Variants in AGBL1 observed in about 807,000 individuals in gnomAD.
AGBL1 encodes cytosolic carboxypeptidase 4.
A neutral mutation model predicts 118.9 loss-of-function variants in AGBL1; 130 were observed. That is an observed-to-expected ratio of 1.09 (90% CI 0.95 to 1.26). The LOEUF is 1.26. AGBL1 is among the 50% of genes most tolerant of loss of function. The pLI, the probability that AGBL1 is intolerant of heterozygous loss-of-function variation, is 0.00. For missense variants in AGBL1, 1,584 were observed against 1,298.1 expected, an observed-to-expected ratio of 1.22 and a Z score of -3.38; for synonymous variants, 555 against 478.9, an observed-to-expected ratio of 1.16 and a Z score of -2.08.
intron 16 of AGBL1, among the ~76,000 whole-genome samples, chr15:86,289,890 T>C (rs1363904103): frequency 6.6e-6 from 1 of 152,212 alleles, no homozygotes; most frequent in Non-Finnish European, 1.5e-5. Flanking sequence ...GATTAGAATA[T>C]GGGCATCTTT....
rs182522302 is a variant in AGBL1 at position 86,851,855 on chromosome 15, A to G, written c.3159-55232A>G. Among the ~76,000 whole-genome samples, 5 of 152,308 alleles carry G rather than the reference A, an allele frequency of 3.3e-5. No homozygotes were observed. In the East Asian group the frequency reaches 9.6e-4, roughly 29 times the overall value. ...TGGCCAACAGAGATTTGAATTTCAT[A>G]TGGAAAGAGGGAGGTAGTGGGAAGT... On this transcript the variant is annotated intron_variant, in intron 22 of 22. Coordinates refer to ENST00000614907, the MANE Select transcript of AGBL1 (RefSeq NM_001386094.1).
At chr15:86,365,757 ATTTTTTAAAATG>A (rs2080877476) in intron 17 of AGBL1, among the ~76,000 whole-genome samples, 1 of 152,006 alleles carries the variant, frequency 6.6e-6, no homozygotes, top group Non-Finnish European at 1.5e-5. Context: ...TGATGAATAC[ATTTTTTAAAATG>A]TTTTGTGACA....
At chr15:86,939,677 G>T (rs2080722693) in intron 23 of AGBL1, 1 of 152,242 alleles carries the variant, frequency 6.6e-6, no homozygotes, top group East Asian at 1.9e-4. Context: ...CTAACGTGAT[G>T]TTTCCCTGCA....
intron 18 of AGBL1, among the ~76,000 whole-genome samples, chr15:86,464,438 T>C (rs1192498888): frequency 6.6e-6 from 1 of 152,204 alleles, no homozygotes; most frequent in Non-Finnish European, 1.5e-5. Context: ...TATTTCTTTC[T>C]CTTGCCTGAT....
chr15:86,870,348 T>A lies in AGBL1; in HGVS notation c.3159-36739T>A, dbSNP rs182985600. Among the ~76,000 whole-genome samples the A allele has an allele frequency of 1.4e-3, 208 of 151,046 alleles. 1 individual carries two copies. The highest frequency in any genetic ancestry group is 4.8e-3 in the African/African-American group (197 of 41,170). ...GTCAAATAATGAGTAAGTGGCAAAGTCAGGATTTAAGCTTTTCCATTTCCT... is the reference window on the plus strand; with the variant it reads ...GTCAAATAATGAGTAAGTGGCAAAGACAGGATTTAAGCTTTTCCATTTCCT... On this transcript the variant is annotated intron_variant, in intron 22 of 22. Transcript: ENST00000614907.
At chr15:86,437,663 C>T (rs2082014974) in intron 18 of AGBL1, among the ~76,000 whole-genome samples, 1 of 152,210 alleles carries the variant, frequency 6.6e-6, no homozygotes, top group South Asian at 2.1e-4. Context: ...ACAGTTTCAT[C>T]TAACACGGAG....
intron 21 of AGBL1, among the ~76,000 whole-genome samples, chr15:86,593,748 T>C (rs965602941): frequency 3.3e-5 from 5 of 152,208 alleles, no homozygotes; most frequent in Non-Finnish European, 7.3e-5. Context: ...TCCCTCCTAC[T>C]ACTTTGTAGT....
intron 22 of AGBL1, among the ~76,000 whole-genome samples, chr15:86,892,107 A>T (rs1458242852): frequency 6.6e-6 from 1 of 152,122 alleles, no homozygotes; most frequent in Non-Finnish European, 1.5e-5. Flanking sequence ...TGATGAATTG[A>T]TTCAGCAAGT....
chr15:86,690,410 G>T (rs993209359), intron 22 of AGBL1, among the ~76,000 whole-genome samples: 2 of 152,090 alleles, frequency 1.3e-5, no homozygotes, highest in African/African-American at 4.8e-5. Context: ...AAATACAAAT[G>T]AAAACATGTC....
At chr15:86,371,635 G>A (rs771473643) in intron 17 of AGBL1, among the ~76,000 whole-genome samples, 2 of 151,944 alleles carry the variant, frequency 1.3e-5, no homozygotes, top group East Asian at 1.9e-4. Flanking sequence ...ACCTCACCCC[G>A]GCTGAGAATG....
At chr15:86,095,898 T>G (rs976164756) in intron 1 of AGBL1, among the ~76,000 whole-genome samples, 1 of 152,108 alleles carries the variant, frequency 6.6e-6, no homozygotes, top group Non-Finnish European at 1.5e-5. Flanking sequence ...CCATGTAACA[T>G]TCTAGGAAAT....
At chr15:86,364,298 C>G (rs1178029490) in intron 17 of AGBL1, among the ~76,000 whole-genome samples, 1 of 152,132 alleles carries the variant, frequency 6.6e-6, no homozygotes, top group African/African-American at 2.4e-5. Context: ...TCACTGTGGG[C>G]CAGGCATTGT....
chr15:86,672,134 A>C (rs1182457154), intron 21 of AGBL1, among the ~76,000 whole-genome samples: 1 of 152,178 alleles, frequency 6.6e-6, no homozygotes, highest in Non-Finnish European at 1.5e-5. Flanking sequence ...AGAGAAAAAA[A>C]CAGAGTAGTA....
intron 18 of AGBL1, among the ~76,000 whole-genome samples, chr15:86,485,511 A>G (rs1219971872): frequency 6.6e-6 from 1 of 152,136 alleles, no homozygotes; most frequent in Non-Finnish European, 1.5e-5. Flanking sequence ...CTGTTATAGT[A>G]CAGAAGCAGC....
chr15:86,687,541 G>A (rs908714931), intron 22 of AGBL1, among the ~76,000 whole-genome samples: 1 of 152,110 alleles, frequency 6.6e-6, no homozygotes, highest in Non-Finnish European at 1.5e-5. Flanking sequence ...ATGATTATAT[G>A]GCTGAATACT....
At chr15:87,002,977 C>T (rs527655429) in intron 24 of AGBL1, among the ~76,000 whole-genome samples, 3 of 152,238 alleles carry the variant, frequency 2.0e-5, no homozygotes, top group African/African-American at 7.2e-5. Flanking sequence ...ATTTCTTTCC[C>T]CTGACTGATT....
chr15:86,711,733 C>T (rs1326961013), intron 22 of AGBL1, among the ~76,000 whole-genome samples: 2 of 152,144 alleles, frequency 1.3e-5, no homozygotes, highest in African/African-American at 4.8e-5. Flanking sequence ...TATTCACATG[C>T]TATTGCCTGT....
intron 23 of AGBL1, among the ~76,000 whole-genome samples, chr15:86,982,889 G>A (rs1477204942): frequency 9.2e-5 from 14 of 152,248 alleles, no homozygotes; most frequent in Middle Eastern, 6.8e-3. Flanking sequence ...TGGGAAAAGC[G>A]GCACCCCTCA....
At chr15:86,660,751 G>A (rs1350836568) in intron 21 of AGBL1, among the ~76,000 whole-genome samples, 1 of 151,944 alleles carries the variant, frequency 6.6e-6, no homozygotes, top group African/African-American at 2.4e-5. Flanking sequence ...ATGGCTTTTG[G>A]TCAGATATTA....
Sources: gnomAD v4.1 joint callset for allele counts (sites outside exome capture counted in the v4.1 genomes callset) on GRCh38, gnomAD v4.1.1 for gene constraint, MANE v1.5 for transcripts, NCBI Gene and HGNC (gene_info 2026-07-23, HGNC 2026-07-21) for gene names.